The following CNNM2 variants were observed in gnomAD, a reference collection of about 807,000 sequenced individuals.
CNNM2 encodes cyclin and CBS domain divalent metal cation transport mediator 2.
A neutral mutation model predicts 66.9 loss-of-function variants in CNNM2; 12 were observed. That is an observed-to-expected ratio of 0.18 (90% CI 0.11 to 0.29). The LOEUF is 0.29. Among genes scored for constraint, CNNM2 ranks in the 10% least tolerant of loss-of-function variants. The pLI, the probability that CNNM2 is intolerant of heterozygous loss-of-function variation, is 1.00. For synonymous variants in CNNM2, 557 were observed against 501.8 expected, an observed-to-expected ratio of 1.11 and a Z score of -1.47; for missense variants, 705 against 1,167.7, an observed-to-expected ratio of 0.60 and a Z score of 5.77.
At chr10:102,946,213 G>A (rs1846612760) in intron 1 of CNNM2, among the ~76,000 whole-genome samples, 1 of 152,118 alleles carries the variant, frequency 6.6e-6, no homozygotes, top group South Asian at 2.1e-4. Context: ...GGTGTTCTTA[G>A]GGCAGTCTCA....
At position 103,010,085 on chromosome 10, in the gene CNNM2, AG is replaced by A. The variant is rs578046822; in HGVS notation, c.1622-39621del. Reference sequence around the variant, plus strand: ...ATAATTACAAAAGACTGCTAAAAGAAGTTGGAACAAGTTGGGGGATGTTTAA... The same window carrying A: ...ATAATTACAAAAGACTGCTAAAAGAATTGGAACAAGTTGGGGGATGTTTAA... On this transcript the variant is annotated intron_variant, in intron 1 of 7. Transcript: ENST00000369878. Among the ~76,000 whole-genome samples the A allele has an allele frequency of 1.9e-4, 29 of 152,312 alleles. No homozygotes were observed. In the East Asian group the frequency reaches 5.4e-3, roughly 28 times the overall value.
In CNNM2 at chr10:102,919,176, C is replaced by T. The variant is rs1469244843; in HGVS notation, c.696C>T (p.Thr232=). The T allele has an allele frequency of 6.2e-7, 1 of 1,611,648 alleles. No homozygotes were observed. The highest frequency in any genetic ancestry group is 8.5e-7 in the Non-Finnish European group (1 of 1,179,990). ...CGCCGCCCCCGTGGGCCGAGACCACCTGGATTTACCACGACGGCGAGGACA... is the reference window on the plus strand; with the variant it reads ...CGCCGCCCCCGTGGGCCGAGACCACTTGGATTTACCACGACGGCGAGGACA... ...GLPPPPWAET[T]WIYHDGEDTK... Residue 232 remains threonine (T), a synonymous_variant, in exon 1 of 8, where the codon ACC becomes ACT. Transcript: ENST00000369878.
chr10:103,058,345 C>T (rs970161306), intron 4 of CNNM2, among the ~76,000 whole-genome samples: 4 of 152,076 alleles, frequency 2.6e-5, no homozygotes, highest in African/African-American at 4.8e-5. Flanking sequence ...GAGTGAGATG[C>T]GAATATTCCT....
intron 1 of CNNM2, among the ~76,000 whole-genome samples, chr10:102,960,783 CTT>C (rs1183182236): frequency 4.2e-4 from 41 of 97,852 alleles, no homozygotes; most frequent in East Asian, 1.5e-3. Context: ...CCATACCTGG[CTT>C]TTTTTTTTTT....
At chr10:102,956,572 A>G (rs578133477) in intron 1 of CNNM2, among the ~76,000 whole-genome samples, 1 of 152,290 alleles carries the variant, frequency 6.6e-6, no homozygotes, top group Non-Finnish European at 1.5e-5. Flanking sequence ...AACCAACCCA[A>G]ATGTTCATCA....
At chr10:103,029,300 T>TAAAAAAA (rs756251100) in intron 1 of CNNM2, among the ~76,000 whole-genome samples, 1 of 122,318 alleles carries the variant, frequency 8.2e-6, no homozygotes, top group African/African-American at 3.0e-5. Context: ...CATCTCTACT[T>TAAAAAAA]AAAAAAAAAA....
intron 1 of CNNM2, among the ~76,000 whole-genome samples, chr10:103,015,539 A>G (rs1234252251): frequency 6.6e-6 from 1 of 152,206 alleles, no homozygotes; most frequent in Non-Finnish European, 1.5e-5. Context: ...TAGCACAAAT[A>G]GTACCTTTGT....
chr10:103,032,659 CTCT>C (rs2064850200), intron 1 of CNNM2, among the ~76,000 whole-genome samples: 1 of 111,562 alleles, frequency 9.0e-6, no homozygotes, highest in Non-Finnish European at 1.7e-5. Flanking sequence ...ATTGATGTAG[CTCT>C]TTTTTTTTTT....
intron 1 of CNNM2, among the ~76,000 whole-genome samples, chr10:102,985,805 G>T (rs1373908141): frequency 6.6e-6 from 1 of 152,208 alleles, no homozygotes; most frequent in Non-Finnish European, 1.5e-5. Flanking sequence ...AAAAGGATTG[G>T]GAAAGGGGGG....
chr10:102,993,398 C>T (rs2063931701), intron 1 of CNNM2, among the ~76,000 whole-genome samples: 1 of 152,116 alleles, frequency 6.6e-6, no homozygotes, highest in Non-Finnish European at 1.5e-5. Flanking sequence ...GGTAAGTTTT[C>T]CCTAGTTGTA....
At chr10:103,055,059 C>G (rs2134339461) in intron 3 of CNNM2, among the ~76,000 whole-genome samples, 1 of 152,286 alleles carries the variant, frequency 6.6e-6, no homozygotes, top group East Asian at 1.9e-4. Context: ...AACTCGAGTC[C>G]ATTTCAGGAG....
At chr10:102,929,098 A>G (rs1845976131) in intron 1 of CNNM2, among the ~76,000 whole-genome samples, 1 of 152,036 alleles carries the variant, frequency 6.6e-6, no homozygotes, top group African/African-American at 2.4e-5. Flanking sequence ...AGTCTCCACT[A>G]AAAATACAAA....
chr10:103,007,619 G>C (rs1367482062), intron 1 of CNNM2, among the ~76,000 whole-genome samples: 2 of 152,066 alleles, frequency 1.3e-5, no homozygotes, highest in East Asian at 3.8e-4. Flanking sequence ...CCGTTTATAG[G>C]CTCTCTGCAA....
chr10:102,965,595 T>C (rs940800186), intron 1 of CNNM2, among the ~76,000 whole-genome samples: 6 of 152,232 alleles, frequency 3.9e-5, no homozygotes, highest in African/African-American at 1.4e-4. Flanking sequence ...CTGTAGTGTC[T>C]GCTTTACTGT....
intron 4 of CNNM2, among the ~76,000 whole-genome samples, chr10:103,060,696 A>T (rs2065370148): frequency 6.6e-6 from 1 of 152,258 alleles, no homozygotes; most frequent in Admixed American, 6.5e-5. Flanking sequence ...TAAAAGAAAC[A>T]TGCAAATCTA....
rs2066266142 is a variant in CNNM2, at chr10:103,089,944, C to T, written c.*12764C>T. ...AAAAGCTAGAGGCTCAGAAAGCAGG[C>T]AGAGCAAAGTAGCTACTCCCCAAAT... On this transcript the variant is annotated 3_prime_UTR_variant, in exon 8 of 8. Transcript: ENST00000369878. 1 of 1,541,552 alleles carries T rather than the reference C, an allele frequency of 6.5e-7. No individual in the cohort carries two copies. Among genetic ancestry groups the T allele is most frequent in the Non-Finnish European group, 8.8e-7 (1 of 1,141,380 alleles).
rs1334499913 is a variant in CNNM2, at chr10:103,089,256, A to T, written c.*12076A>T. 1 of 223,408 alleles carries T rather than the reference A, an allele frequency of 4.5e-6. No homozygotes were observed. Among genetic ancestry groups the T allele is most frequent in the Non-Finnish European group, 8.9e-6 (1 of 112,242 alleles). The allele number at this position is 223,408 out of a possible 1,614,324, so 13.8% of individuals were successfully genotyped here. A position where few individuals can be genotyped will look rare whatever the true frequency, so the allele number is the denominator to read the frequency against. On this transcript the variant is annotated 3_prime_UTR_variant, in exon 8 of 8. Coordinates refer to ENST00000369878, the MANE Select transcript of CNNM2 (RefSeq NM_017649.5). ...TATACAATACCATGTAATGCACTGG[A>T]AAAGTTGGACCTTGGAGTAATAGCA...
chr10:102,974,705 T>A (rs2063597800), intron 1 of CNNM2, among the ~76,000 whole-genome samples: 1 of 152,042 alleles, frequency 6.6e-6, no homozygotes, highest in Admixed American at 6.6e-5. Context: ...GGCCAACTTT[T>A]AAAATTTTTT....
At chr10:102,966,160 T>C (rs2063460687) in intron 1 of CNNM2, among the ~76,000 whole-genome samples, 1 of 152,220 alleles carries the variant, frequency 6.6e-6, no homozygotes. Context: ...ATTTCTGTAC[T>C]TGTATGATTA....
Sources: allele counts gnomAD v4.1 joint callset (sites outside exome capture counted in the v4.1 genomes callset), GRCh38; gene constraint gnomAD v4.1.1; transcripts MANE v1.5; gene names NCBI Gene and HGNC (gene_info 2026-07-23, HGNC 2026-07-21).